Variants in MTUS1 observed in about 807,000 individuals in gnomAD.
MTUS1 encodes the protein microtubule-associated tumor suppressor 1.
In MTUS1, 109 loss-of-function variants were observed where a neutral mutation model predicts 120.8. That is an observed-to-expected ratio of 0.90 (90% CI 0.77 to 1.06). The LOEUF (loss-of-function observed/expected upper bound fraction) is 1.06. Among genes scored for constraint, MTUS1 ranks in the 50% least tolerant of loss-of-function variants. The probability of loss-of-function intolerance (pLI) is 0.00; values close to 1 mark genes in which losing one functional copy is unlikely to be tolerated. For synonymous variants in MTUS1, 737 were observed against 550.5 expected (o/e 1.34, Z -4.74); for missense variants, 2,210 against 1,486.3 (o/e 1.49, Z -8.01).
In MTUS1 at chr8:17,645,730, T is replaced by G. The variant is rs2129944302; in HGVS notation, c.*196A>C. The G allele has an allele frequency of 3.2e-6, 2 of 616,592 alleles. No homozygotes were observed. The highest frequency in any genetic ancestry group is 1.9e-5 in the African/African-American group (1 of 53,180). 38.2% of individuals were successfully genotyped at this position (616,592 alleles called of 1,614,324 possible). The stretch of plus-strand genomic sequence containing the variant: ...TTTTAAATCTTTTTTTGGAGGAATC[T>G]TTTGGACGGAGGCAAAAGTCTTCCT... On this transcript the variant is annotated 3_prime_UTR_variant, in exon 15 of 15. Transcript: ENST00000693296.
At chr8:17,779,482 T>C (rs1013390010) in intron 1 of MTUS1, among the ~76,000 whole-genome samples, 2 of 152,214 alleles carry the variant, frequency 1.3e-5, no homozygotes, top group Non-Finnish European at 2.9e-5. Flanking sequence ...AAAAGATTTG[T>C]TGTATTTGTT....
At chr8:17,678,661 T>A (rs1014394556) in intron 7 of MTUS1, among the ~76,000 whole-genome samples, 1 of 152,024 alleles carries the variant, frequency 6.6e-6, no homozygotes, top group African/African-American at 2.4e-5. Context: ...AATGCATCTA[T>A]GTTTTTTTGT....
At chr8:17,663,612 T>TTGTTTTGTTC (rs1410743239) in intron 8 of MTUS1, among the ~76,000 whole-genome samples, 2 of 152,054 alleles carry the variant, frequency 1.3e-5, no homozygotes, top group African/African-American at 4.8e-5. Flanking sequence ...TTTGTTTTTT[T>TTGTTTTGTTC]TGAGACAGAG....
chr8:17,754,350 C>T lies in MTUS1; in HGVS notation c.1458G>A (p.Thr486=), dbSNP rs777825860. The stretch of plus-strand genomic sequence containing the variant: ...TAACTTTGCAGCCTATTGGGGTATT[C>T]GTTTTGATTGTTGATTTTCCTAAAC... ...KPSLGKSTIK[T]NTPIGCKVRK... is the part of the protein sequence containing the mutation. Residue 486 remains threonine (T), a synonymous_variant, in exon 2 of 15, where the codon ACG becomes ACA. Transcript: ENST00000693296. The T allele has an allele frequency of 5.0e-6, 8 of 1,614,028 alleles. No homozygotes were observed. The highest frequency in any genetic ancestry group is 5.9e-6 in the Non-Finnish European group (7 of 1,180,020).
chr8:17,792,554 T>A (rs2051881699), intron 1 of MTUS1, among the ~76,000 whole-genome samples: 1 of 152,166 alleles, frequency 6.6e-6, no homozygotes, highest in Non-Finnish European at 1.5e-5. Context: ...AGAGGTGCCA[T>A]CAAAAACACT....
At chr8:17,793,810 T>C (rs911199067) in intron 1 of MTUS1, among the ~76,000 whole-genome samples, 2 of 152,138 alleles carry the variant, frequency 1.3e-5, no homozygotes, top group African/African-American at 4.8e-5. Flanking sequence ...TGACCAAACT[T>C]TGGTCAAGTC....
rs758414166 is a variant in MTUS1, at chr8:17,755,567, C to G, written c.241G>C (p.Gly81Arg). 13 of 1,614,032 alleles carry G rather than the reference C, an allele frequency of 8.1e-6. No individual in the cohort carries two copies. Among genetic ancestry groups the G allele is most frequent in the South Asian group, 3.3e-5 (3 of 91,090 alleles). ...SLSLQGVEVFGHEKSSSDFIS... is the reference protein window; with the variant it reads ...SLSLQGVEVFRHEKSSSDFIS... Reference sequence around the variant, plus strand: ...AAATCACTAGAAGACTTTTCATGACCAAATACTTCAACACCCTGAAGGCTT... The same window carrying G: ...AAATCACTAGAAGACTTTTCATGACGAAATACTTCAACACCCTGAAGGCTT... Residue 81 changes from glycine to arginine, a missense_variant, in exon 2 of 15, where the codon GGT (glycine) becomes CGT (arginine). Transcript: ENST00000693296.
chr8:17,652,768 G>A (rs1490457138), intron 12 of MTUS1, among the ~76,000 whole-genome samples: 1 of 151,518 alleles, frequency 6.6e-6, no homozygotes, highest in African/African-American at 2.4e-5. Flanking sequence ...CCCAGGAGGT[G>A]GACGTTGCAG....
At chr8:17,702,573 C>T (rs1819313913) in intron 6 of MTUS1, among the ~76,000 whole-genome samples, 1 of 152,184 alleles carries the variant, frequency 6.6e-6, no homozygotes, top group Non-Finnish European at 1.5e-5. Flanking sequence ...CACCACTCTA[C>T]TCTGTTTCTG....
chr8:17,726,501 T>G (rs1017756391), intron 3 of MTUS1, among the ~76,000 whole-genome samples: 1 of 152,292 alleles, frequency 6.6e-6, no homozygotes, highest in Non-Finnish European at 1.5e-5. Flanking sequence ...AATAAATGTT[T>G]CCTCAACAAA....
At chr8:17,729,731 A>C (rs1480916501) in intron 3 of MTUS1, among the ~76,000 whole-genome samples, 1 of 152,110 alleles carries the variant, frequency 6.6e-6, no homozygotes, top group African/African-American at 2.4e-5. Context: ...AAACATGTTA[A>C]AGTAATCTAG....
chr8:17,729,848 C>T (rs1009216196), intron 3 of MTUS1, among the ~76,000 whole-genome samples: 5 of 151,952 alleles, frequency 3.3e-5, no homozygotes, highest in African/African-American at 1.2e-4. Context: ...ACAAAGGACT[C>T]GAATAGACAT....
intron 1 of MTUS1, among the ~76,000 whole-genome samples, chr8:17,793,212 G>A (rs892371310): frequency 7.2e-5 from 11 of 152,200 alleles, no homozygotes; most frequent in African/African-American, 2.4e-4. Flanking sequence ...GGGTATGCCA[G>A]ATGTTCTCAA....
chr8:17,655,714 G>C, intron 9 of MTUS1, 149 bp downstream of exon 9: 1 of 703,658 alleles, frequency 1.4e-6, no homozygotes, highest in South Asian at 1.8e-5. Flanking sequence ...CTGGGAGACA[G>C]AGTGGGACTC....
intron 9 of MTUS1, among the ~76,000 whole-genome samples, chr8:17,655,310 G>A (rs966835820): frequency 2.0e-5 from 3 of 149,054 alleles, no homozygotes; most frequent in African/African-American, 4.9e-5. Flanking sequence ...AGAAAGAAAT[G>A]CAAAACAATA....
intron 1 of MTUS1, among the ~76,000 whole-genome samples, chr8:17,781,801 C>T (rs2050896877): frequency 6.6e-6 from 1 of 152,154 alleles, no homozygotes; most frequent in African/African-American, 2.4e-5. Context: ...CCATGAGGTC[C>T]CTCTTTGTAG....
intron 1 of MTUS1, among the ~76,000 whole-genome samples, chr8:17,768,912 G>A (rs1381810194): frequency 6.6e-6 from 1 of 152,082 alleles, no homozygotes; most frequent in Non-Finnish European, 1.5e-5. Context: ...CACTTCTGGA[G>A]TTTTCGGGGG....
At chr8:17,731,786 C>G (rs1408337630) in intron 3 of MTUS1, among the ~76,000 whole-genome samples, 1 of 152,202 alleles carries the variant, frequency 6.6e-6, no homozygotes, top group Non-Finnish European at 1.5e-5. Flanking sequence ...ACAATGAATA[C>G]AAAGAGTTGA....
chr8:17,653,062 C>A, intron 12 of MTUS1, 124 bp downstream of exon 12: 1 of 617,926 alleles, frequency 1.6e-6, no homozygotes, highest in Admixed American at 3.7e-5. Context: ...TTAGAAAGCA[C>A]ATTGCCAGAC....
Sources: allele counts gnomAD v4.1 joint callset (sites outside exome capture counted in the v4.1 genomes callset), GRCh38; gene constraint gnomAD v4.1.1; transcripts MANE v1.5; gene names NCBI Gene and HGNC (gene_info 2026-07-23, HGNC 2026-07-21).